The following NKAIN3 variants were observed in gnomAD, a reference collection of about 807,000 sequenced individuals.
NKAIN3 encodes the protein sodium/potassium transporting ATPase interacting 3, also known as sodium/potassium-transporting ATPase subunit beta-1-interacting protein 3.
NKAIN3 carries 25 observed loss-of-function variants against 30.2 expected under a neutral mutation model. The observed-to-expected ratio is 0.83, with a 90% CI of 0.60 to 1.16. The LOEUF (loss-of-function observed/expected upper bound fraction) is 1.16, where lower values mean the gene tolerates loss of function less well. NKAIN3 is among the 50% of genes most tolerant of loss of function. The probability of loss-of-function intolerance (pLI) is 0.00; values close to 1 mark genes in which losing one functional copy is unlikely to be tolerated. For missense variants in NKAIN3, 225 were observed against 254.1 expected, an observed-to-expected ratio of 0.89 and a Z score of 0.78; for synonymous variants, 91 against 89.6, an observed-to-expected ratio of 1.02 and a Z score of -0.09.
intron 1 of NKAIN3, among the ~76,000 whole-genome samples, chr8:62,421,812 A>G (rs772453243): frequency 6.6e-5 from 10 of 152,116 alleles, no homozygotes; most frequent in Non-Finnish European, 1.2e-4. Flanking sequence ...CTCATAATGT[A>G]GGTCCTGTTG....
At chr8:62,848,874 G>C (rs778581442) in intron 4 of NKAIN3, among the ~76,000 whole-genome samples, 3 of 152,026 alleles carry the variant, frequency 2.0e-5, no homozygotes, top group African/African-American at 7.3e-5. Flanking sequence ...CAATATGAAG[G>C]GATGTTAAAT....
At chr8:62,315,786 T>G (rs1342157547) in intron 1 of NKAIN3, among the ~76,000 whole-genome samples, 1 of 152,192 alleles carries the variant, frequency 6.6e-6, no homozygotes, top group East Asian at 1.9e-4. Context: ...GCTCAAGTGG[T>G]GTTTGTGGAG....
At chr8:62,503,155 G>T (rs576478730) in intron 1 of NKAIN3, among the ~76,000 whole-genome samples, 10 of 152,184 alleles carry the variant, frequency 6.6e-5, no homozygotes, top group Non-Finnish European at 1.3e-4. Context: ...TTTTCCCTAA[G>T]TGTTGGTCAG....
chr8:62,715,934 A>G (rs571111941), intron 3 of NKAIN3, among the ~76,000 whole-genome samples: 2 of 152,346 alleles, frequency 1.3e-5, no homozygotes, highest in South Asian at 4.1e-4. Context: ...TCTGCTATGA[A>G]GATGACATAA....
intron 1 of NKAIN3, among the ~76,000 whole-genome samples, chr8:62,327,791 A>G (rs377496470): frequency 1.3e-5 from 2 of 151,994 alleles, no homozygotes; most frequent in East Asian, 3.9e-4. Context: ...ATTCCATATG[A>G]ATTTTAATTT....
intron 4 of NKAIN3, among the ~76,000 whole-genome samples, chr8:62,884,098 A>T (rs910783955): frequency 1.3e-5 from 2 of 152,146 alleles, no homozygotes; most frequent in African/African-American, 4.8e-5. Flanking sequence ...ACATTGTTGA[A>T]TTCAAGTTAC....
chr8:62,277,972 C>T (rs1352689433), intron 1 of NKAIN3, among the ~76,000 whole-genome samples: 1 of 151,834 alleles, frequency 6.6e-6, no homozygotes, highest in Non-Finnish European at 1.5e-5. Context: ...GGAGCCCAAC[C>T]GGAGTACAGC....
At chr8:62,519,456 C>CAT (rs1019620921) in intron 1 of NKAIN3, among the ~76,000 whole-genome samples, 6 of 152,250 alleles carry the variant, frequency 3.9e-5, no homozygotes, top group African/African-American at 1.4e-4. Flanking sequence ...AATCTATGAT[C>CAT]ATATACTCAA....
chr8:62,329,220 C>A (rs1237466142), intron 1 of NKAIN3, among the ~76,000 whole-genome samples: 1 of 152,002 alleles, frequency 6.6e-6, no homozygotes, highest in Non-Finnish European at 1.5e-5. Context: ...TCTAGAATTC[C>A]AAACTCTCAG....
intron 4 of NKAIN3, among the ~76,000 whole-genome samples, chr8:62,834,833 T>C (rs1205813552): frequency 6.6e-6 from 1 of 152,062 alleles, no homozygotes; most frequent in Non-Finnish European, 1.5e-5. Flanking sequence ...AAAAAACTAC[T>C]CTAAAATAGT....
chr8:62,870,252 A>ATATCTATATCTATATATAGATATC, intron 4 of NKAIN3, among the ~76,000 whole-genome samples: 5 of 103,266 alleles, frequency 4.8e-5, no homozygotes, highest in Admixed American at 9.9e-5. Context: ...ATAGATATCT[A>ATATCTATATCTATATATAGATATC]TATATATATC....
intron 1 of NKAIN3, among the ~76,000 whole-genome samples, chr8:62,412,933 A>G (rs12542276): frequency 0.32 from 46,245 of 145,098 alleles, 8,899 homozygotes; most frequent in South Asian, 0.45. Context: ...AAAAAAAAAA[A>G]AACAGCAAAA....
At chr8:62,348,907 A>G (rs1816094965) in intron 1 of NKAIN3, among the ~76,000 whole-genome samples, 1 of 152,194 alleles carries the variant, frequency 6.6e-6, no homozygotes, top group Non-Finnish European at 1.5e-5. Flanking sequence ...AAGGCAAGTA[A>G]TGTCTTGCTC....
chr8:62,419,027 T>C (rs1804547378), intron 1 of NKAIN3, among the ~76,000 whole-genome samples: 1 of 152,096 alleles, frequency 6.6e-6, no homozygotes, highest in Non-Finnish European at 1.5e-5. Context: ...TACAAGTGGG[T>C]CATTGAGTGG....
At position 62,971,169 on chromosome 8, in the gene NKAIN3, G is replaced by C. The variant is rs964764873; in HGVS notation, c.*5762G>C. On this transcript the variant is annotated 3_prime_UTR_variant, in exon 7 of 7. Transcript: ENST00000623646. The stretch of plus-strand genomic sequence containing the variant: ...GCCATTGGTTTTGTATTCTGGCCTT[G>C]GAGGTGGAGAAGGAACAAAAGGAAT... Among the ~76,000 whole-genome samples the C allele has an allele frequency of 6.6e-6, 1 of 152,134 alleles. No individual in the cohort carries two copies. The highest frequency in any genetic ancestry group is 2.4e-5 in the African/African-American group (1 of 41,428).
intron 1 of NKAIN3, among the ~76,000 whole-genome samples, chr8:62,422,322 A>T (rs1804666580): frequency 6.6e-6 from 1 of 152,098 alleles, no homozygotes; most frequent in African/African-American, 2.4e-5. Flanking sequence ...CAACATTTTA[A>T]TTCATTTTTA....
intron 4 of NKAIN3, among the ~76,000 whole-genome samples, chr8:62,764,968 G>A (rs1195996017): frequency 6.6e-6 from 1 of 152,122 alleles, no homozygotes; most frequent in Non-Finnish European, 1.5e-5. Context: ...AGGTTCTCTA[G>A]GCGTGGTGGC....
At chr8:62,554,115 GA>G (rs1162416297) in intron 1 of NKAIN3, among the ~76,000 whole-genome samples, 1 of 152,146 alleles carries the variant, frequency 6.6e-6, no homozygotes, top group Admixed American at 6.5e-5. Context: ...TCCATAGAGG[GA>G]CATGTAATAG....
chr8:62,915,217 C>A (rs1413951599), intron 4 of NKAIN3, among the ~76,000 whole-genome samples: 1 of 152,134 alleles, frequency 6.6e-6, no homozygotes, highest in South Asian at 2.1e-4. Context: ...ATCTCTGGAA[C>A]CTGTGAATAA....
Sources: gnomAD v4.1 joint callset for allele counts (sites outside exome capture counted in the v4.1 genomes callset) on GRCh38, gnomAD v4.1.1 for gene constraint, MANE v1.5 for transcripts, NCBI Gene and HGNC (gene_info 2026-07-23, HGNC 2026-07-21) for gene names.